Variants in ROBO2 observed in about 807,000 individuals in gnomAD.
ROBO2 encodes roundabout guidance receptor 2, also known as roundabout homolog 2.
ROBO2 carries 53 observed loss-of-function variants against 160.8 expected under a neutral mutation model. The ratio of observed to expected loss-of-function variants is 0.33; its 90% CI spans 0.26 to 0.41. ROBO2 has a LOEUF of 0.41. Ranked by LOEUF, ROBO2 falls within the 10% of genes least tolerant of loss-of-function variation. The pLI is 1.00. For missense variants in ROBO2, 1,577 were observed against 1,722.4 expected (o/e 0.92, Z 1.49); for synonymous variants, 664 against 611.7 (o/e 1.09, Z -1.26).
At chr3:76,965,823 AATT>A (rs1161118729) in intron 2 of ROBO2, among the ~76,000 whole-genome samples, 8 of 126,772 alleles carry the variant, frequency 6.3e-5, no homozygotes. Flanking sequence ...CTTTAATATT[AATT>A]ATTATTTTTG....
intron 2 of ROBO2, among the ~76,000 whole-genome samples, chr3:77,161,099 T>G (rs1264298656): frequency 1.3e-5 from 2 of 152,188 alleles, no homozygotes; most frequent in Admixed American, 6.5e-5. Context: ...GTAAGCTTCA[T>G]GGCCTGCACT....
chr3:76,749,013 A>T (rs2108188701), intron 2 of ROBO2, among the ~76,000 whole-genome samples: 1 of 151,968 alleles, frequency 6.6e-6, no homozygotes. Context: ...CACTAAAAAT[A>T]ATGCTATTAT....
intron 1 of ROBO2, among the ~76,000 whole-genome samples, chr3:75,936,790 A>C (rs1476829396): frequency 6.6e-6 from 1 of 152,012 alleles, no homozygotes; most frequent in Non-Finnish European, 1.5e-5. Flanking sequence ...TATCAATATG[A>C]AAAGCAGTTT....
chr3:77,581,447 A>G (rs1446921500), intron 16 of ROBO2, among the ~76,000 whole-genome samples: 1 of 152,112 alleles, frequency 6.6e-6, no homozygotes, highest in Admixed American at 6.5e-5. Context: ...GCGGAGGTCT[A>G]TAATTCATCT....
intron 2 of ROBO2, among the ~76,000 whole-genome samples, chr3:76,069,508 C>G (rs1043555953): frequency 1.5e-4 from 22 of 144,714 alleles, no homozygotes; most frequent in Admixed American, 7.2e-5. Flanking sequence ...TGAAGCCAGA[C>G]AGCAGGCTTA....
intron 2 of ROBO2, among the ~76,000 whole-genome samples, chr3:77,293,684 G>T (rs1336809728): frequency 2.5e-4 from 35 of 141,228 alleles, no homozygotes; most frequent in Non-Finnish European, 2.6e-4. Context: ...ATGGTTAAAT[G>T]GGAAGTTGAG....
intron 2 of ROBO2, among the ~76,000 whole-genome samples, chr3:77,227,943 A>T (rs928011169): frequency 6.6e-6 from 1 of 152,230 alleles, no homozygotes; most frequent in Admixed American, 6.5e-5. Context: ...GTTGAAAATT[A>T]TACACAAATA....
At chr3:76,868,233 G>C (rs1198472807) in intron 2 of ROBO2, among the ~76,000 whole-genome samples, 2 of 152,006 alleles carry the variant, frequency 1.3e-5, no homozygotes, top group Non-Finnish European at 2.9e-5. Flanking sequence ...TTTTCTTCCT[G>C]AAACACCTAC....
chr3:77,078,994 A>G (rs1032563517), intron 1 of ROBO2, among the ~76,000 whole-genome samples: 1 of 152,144 alleles, frequency 6.6e-6, no homozygotes, highest in African/African-American at 2.4e-5. Flanking sequence ...CCCAGGCTGG[A>G]GTGCAGTGGT....
chr3:76,568,914 A>G (rs1311551335), intron 2 of ROBO2, among the ~76,000 whole-genome samples: 2 of 152,184 alleles, frequency 1.3e-5, no homozygotes, highest in East Asian at 1.9e-4. Context: ...ACCTGCAACT[A>G]AATCTGCAAC....
intron 2 of ROBO2, among the ~76,000 whole-genome samples, chr3:76,313,293 A>G (rs981942752): frequency 3.9e-5 from 6 of 152,160 alleles, no homozygotes; most frequent in African/African-American, 1.4e-4. Context: ...TGATATGCAT[A>G]TGTGTATGTT....
chr3:77,471,704 A>G (rs2083369117), intron 2 of ROBO2, among the ~76,000 whole-genome samples: 1 of 152,218 alleles, frequency 6.6e-6, no homozygotes, highest in African/African-American at 2.4e-5. Context: ...ATGTGCATAG[A>G]AGCCACACAA....
At chr3:77,272,345 T>A (rs986820457) in intron 2 of ROBO2, among the ~76,000 whole-genome samples, 4 of 152,016 alleles carry the variant, frequency 2.6e-5, no homozygotes, top group Non-Finnish European at 5.9e-5. Flanking sequence ...CTCAGGAAAC[T>A]TACAGTCGTG....
chr3:75,995,269 C>T (rs959595778), intron 2 of ROBO2, among the ~76,000 whole-genome samples: 1 of 152,042 alleles, frequency 6.6e-6, no homozygotes, highest in Non-Finnish European at 1.5e-5. Flanking sequence ...AAATGGTTTC[C>T]AGGACCAGGT....
chr3:76,959,891 T>C (rs2079528571), intron 2 of ROBO2, among the ~76,000 whole-genome samples: 1 of 152,072 alleles, frequency 6.6e-6, no homozygotes, highest in South Asian at 2.1e-4. Flanking sequence ...AAACCAGAAA[T>C]TGAATTCAAA....
intron 2 of ROBO2, among the ~76,000 whole-genome samples, chr3:77,152,254 T>C (rs1047155887): frequency 2.0e-5 from 3 of 152,178 alleles, no homozygotes; most frequent in African/African-American, 7.2e-5. Context: ...ATATAAATCA[T>C]TTAAAATTTA....
At chr3:76,885,787 T>C (rs1253706787) in intron 2 of ROBO2, among the ~76,000 whole-genome samples, 1 of 152,176 alleles carries the variant, frequency 6.6e-6, no homozygotes, top group Non-Finnish European at 1.5e-5. Flanking sequence ...TGGCAAGTAC[T>C]GATTTTGAAT....
chr3:77,534,277 C>A (rs1182539594), intron 6 of ROBO2, among the ~76,000 whole-genome samples: 2 of 151,822 alleles, frequency 1.3e-5, no homozygotes, highest in Non-Finnish European at 2.9e-5. Context: ...TTTGAATAAT[C>A]ATTATTTTTG....
At chr3:76,781,398 T>C (rs138818488) in intron 2 of ROBO2, among the ~76,000 whole-genome samples, 1 of 150,812 alleles carries the variant, frequency 6.6e-6, no homozygotes, top group East Asian at 1.9e-4. Context: ...AATGTCTTTA[T>C]TGCCTTCCAT....
Sources: gnomAD v4.1 joint callset for allele counts (sites outside exome capture counted in the v4.1 genomes callset) on GRCh38, gnomAD v4.1.1 for gene constraint, MANE v1.5 for transcripts, NCBI Gene and HGNC (gene_info 2026-07-23, HGNC 2026-07-21) for gene names.